Variants in PPP3R1 observed in about 807,000 individuals in gnomAD.
PPP3R1 encodes the protein protein phosphatase 3 regulatory subunit B, alpha, also known as calcineurin subunit B type 1.
Under a neutral mutation model 22.6 loss-of-function variants are expected in PPP3R1, and 5 were observed. The observed-to-expected ratio is 0.22, with a 90% CI of 0.12 to 0.46. The LOEUF (loss-of-function observed/expected upper bound fraction) is 0.46, where lower values mean the gene tolerates loss of function less well. Among genes scored for constraint, PPP3R1 ranks in the 20% least tolerant of loss-of-function variants. PPP3R1 has a pLI of 0.99. For missense variants in PPP3R1, 61 were observed against 203.2 expected, an observed-to-expected ratio of 0.30 and a Z score of 4.25; for synonymous variants, 56 against 65.2, an observed-to-expected ratio of 0.86 and a Z score of 0.68.
At chr2:68,237,881 C>T (rs2103803736) in intron 1 of PPP3R1, among the ~76,000 whole-genome samples, 1 of 152,214 alleles carries the variant, frequency 6.6e-6, no homozygotes, top group South Asian at 2.1e-4. Context: ...TACAATAAAT[C>T]AGCTTAGGTA....
Position 68,186,470 on chromosome 2 carries a change from C to T in PPP3R1, c.463G>A (p.Ala155Thr). The T allele has an allele frequency of 2.5e-6, 4 of 1,610,478 alleles. No homozygotes were observed. The highest frequency in any genetic ancestry group is 3.4e-6 in the Non-Finnish European group (4 of 1,177,486). The part of the protein sequence containing the change: ...DGRISFEEFC[A>T]VVGGLDIHKK... ...AGAACCAGCTCTTTTGTACTTACAG[C>T]ACAGAATTCTTCAAAGGATATTCTT... is the stretch of plus-strand genomic sequence containing the variant. Residue 155 changes from alanine to threonine, a missense_variant and splice_region_variant, in exon 5 of 6, where the codon GCT (alanine) becomes ACT (threonine). Transcript: ENST00000234310.
chr2:68,198,269 ATG>A (rs1262585597), intron 2 of PPP3R1, among the ~76,000 whole-genome samples: 2 of 141,474 alleles, frequency 1.4e-5, no homozygotes, highest in African/African-American at 5.2e-5. Flanking sequence ...ATACATACAT[ATG>A]TGTATGCATG....
At position 68,180,687 on chromosome 2, in the gene PPP3R1, ATAAAT is replaced by A. The variant is rs773512158; in HGVS notation, c.*271_*275del. 3.5e-5 allele frequency: 10 copies of A among 282,062 alleles called. No individual in the cohort carries two copies. Among genetic ancestry groups the A allele is most frequent in the East Asian group, 2.0e-4 (3 of 14,674 alleles). 17.5% of individuals were successfully genotyped at this position (282,062 alleles called of 1,614,324 possible). A position where few individuals can be genotyped will look rare whatever the true frequency, so the allele number is the denominator to read the frequency against. On this transcript the variant is annotated 3_prime_UTR_variant, in exon 6 of 6. Coordinates refer to ENST00000234310, the MANE Select transcript of PPP3R1 (RefSeq NM_000945.4). Reference sequence around the variant, plus strand: ...TTCTTGTTATAAAAGATGAAGAAAAATAAATTAAAAAGCCAACCCCTTCCCTTTCT... The same window carrying A: ...TTCTTGTTATAAAAGATGAAGAAAAATAAAAAGCCAACCCCTTCCCTTTCT...
In PPP3R1 at chr2:68,202,401, C is replaced by T. The variant is rs532859237; in HGVS notation, c.44-13711G>A. Reference sequence around the variant, plus strand: ...AAGCCAGTCCTTCCTTTTCTTTTTTCGTTTTTTGTTGTTGTTGTTGTTGTT... The same window carrying T: ...AAGCCAGTCCTTCCTTTTCTTTTTTTGTTTTTTGTTGTTGTTGTTGTTGTT... On this transcript the variant is annotated intron_variant, in intron 2 of 5. Transcript: ENST00000234310. 5.5e-5 allele frequency among the ~76,000 whole-genome samples: 7 copies of T among 127,278 alleles called. No homozygotes were observed. In the East Asian group the frequency reaches 1.5e-3, roughly 28 times the overall value. The allele number at this position is 127,278 out of a possible 152,430, so 83.5% of individuals were successfully genotyped here. A position where few individuals can be genotyped will look rare whatever the true frequency, so the allele number is the denominator to read the frequency against.
intron 5 of PPP3R1, among the ~76,000 whole-genome samples, chr2:68,185,911 T>C (rs1174504961): frequency 6.6e-6 from 1 of 152,254 alleles, no homozygotes; most frequent in East Asian, 1.9e-4. Context: ...TCAAAGTAGC[T>C]ACACTTCAGT....
rs533153382 is a variant in PPP3R1 at position 68,252,106 on chromosome 2, G to A, written c.3+19C>T. On this transcript the variant is annotated intron_variant, in intron 1 of 5. Coordinates refer to ENST00000234310, the MANE Select transcript of PPP3R1 (RefSeq NM_000945.4). ...GCAGTAGGGGGAGGGATGGTGCATC[G>A]AGGAAGCCAAGGTCTCACCATTTTG... is the stretch of plus-strand genomic sequence containing the variant. 1.3e-5 allele frequency: 18 copies of A among 1,431,090 alleles called. No homozygotes were observed. In the African/African-American group the frequency reaches 2.1e-4, roughly 16 times the overall value. The allele number at this position is 1,431,090 out of a possible 1,614,324, so 88.6% of individuals were successfully genotyped here.
At chr2:68,191,797 T>G (rs1009190509) in intron 2 of PPP3R1, among the ~76,000 whole-genome samples, 2 of 152,144 alleles carry the variant, frequency 1.3e-5, no homozygotes, top group Admixed American at 6.5e-5. Context: ...TATTAAAGAG[T>G]ATTCCTTCTT....
intron 1 of PPP3R1, among the ~76,000 whole-genome samples, chr2:68,232,259 GTGTGTGTATATA>G (rs1402598952): frequency 0.016 from 1,552 of 97,858 alleles, 38 homozygotes; most frequent in African/African-American, 0.1. Flanking sequence ...GTGTGTGTGT[GTGTGTGTATATA>G]TATATACACA....
At chr2:68,181,905 G>T (rs1868402) in intron 5 of PPP3R1, among the ~76,000 whole-genome samples, 1 of 152,056 alleles carries the variant, frequency 6.6e-6, no homozygotes, top group Non-Finnish European at 1.5e-5. Context: ...ATGGTAATGT[G>T]TAAGTGTAGT....
At chr2:68,182,345 C>T (rs1674431395) in intron 5 of PPP3R1, among the ~76,000 whole-genome samples, 1 of 152,132 alleles carries the variant, frequency 6.6e-6, no homozygotes, top group South Asian at 2.1e-4. Context: ...CCCTCATTCT[C>T]TATTTGCTTT....
At chr2:68,236,585 T>C (rs1670024265) in intron 1 of PPP3R1, among the ~76,000 whole-genome samples, 1 of 152,150 alleles carries the variant, frequency 6.6e-6, no homozygotes, top group African/African-American at 2.4e-5. Context: ...CATGAGGGGA[T>C]AGCTATGTAC....
chr2:68,229,048 G>T (rs1669836358), intron 1 of PPP3R1, among the ~76,000 whole-genome samples: 1 of 152,018 alleles, frequency 6.6e-6, no homozygotes, highest in African/African-American at 2.4e-5. Flanking sequence ...CTGAGACAGG[G>T]TCTCACTGTC....
At chr2:68,213,245 T>A (rs1263798164) in intron 2 of PPP3R1, among the ~76,000 whole-genome samples, 1 of 152,272 alleles carries the variant, frequency 6.6e-6, no homozygotes, top group East Asian at 1.9e-4. Flanking sequence ...TCTGGGCTTT[T>A]GACACACCTT....
At chr2:68,198,902 T>C (rs1219568345) in intron 2 of PPP3R1, among the ~76,000 whole-genome samples, 1 of 152,222 alleles carries the variant, frequency 6.6e-6, no homozygotes, top group Non-Finnish European at 1.5e-5. Context: ...TGGTTAAACT[T>C]ATACCTGAGT....
At chr2:68,244,383 C>T (rs1670193801) in intron 1 of PPP3R1, among the ~76,000 whole-genome samples, 2 of 152,084 alleles carry the variant, frequency 1.3e-5, no homozygotes, top group Admixed American at 1.3e-4. Context: ...TCTTCCACAG[C>T]CCTCACCCCT....
At chr2:68,185,276 C>T (rs567582884) in intron 5 of PPP3R1, among the ~76,000 whole-genome samples, 2 of 149,304 alleles carry the variant, frequency 1.3e-5, no homozygotes, top group African/African-American at 2.4e-5. Flanking sequence ...AAAATAAACT[C>T]GAAACTTAGC....
intron 1 of PPP3R1, among the ~76,000 whole-genome samples, chr2:68,245,964 C>T (rs1670228479): frequency 6.6e-6 from 1 of 152,020 alleles, no homozygotes; most frequent in Non-Finnish European, 1.5e-5. Context: ...CCTTCTACCT[C>T]CTTGGAGACA....
chr2:68,181,806 A>T (rs896342788), intron 5 of PPP3R1, among the ~76,000 whole-genome samples: 2 of 152,170 alleles, frequency 1.3e-5, no homozygotes, highest in Non-Finnish European at 2.9e-5. Context: ...TAGACAATTT[A>T]AAAAGTACCA....
intron 2 of PPP3R1, among the ~76,000 whole-genome samples, chr2:68,212,552 T>TA (rs371012499): frequency 1.3e-4 from 20 of 152,340 alleles, no homozygotes; most frequent in African/African-American, 4.8e-4. Flanking sequence ...ATGAAAACGT[T>TA]ACTCTCTATG....
Sources: allele counts gnomAD v4.1 joint callset (sites outside exome capture counted in the v4.1 genomes callset), GRCh38; gene constraint gnomAD v4.1.1; transcripts MANE v1.5; gene names NCBI Gene and HGNC (gene_info 2026-07-23, HGNC 2026-07-21).